Variants in ANO7 observed in about 807,000 individuals in gnomAD.
The protein encoded by ANO7 is anoctamin 7, also known as anoctamin-7.
ANO7 carries 114 observed loss-of-function variants against 115.8 expected under a neutral mutation model. The observed-to-expected ratio is 0.98, with a 90% CI of 0.85 to 1.15. The LOEUF is 1.15. Ranked by LOEUF, ANO7 falls within the 50% of genes most tolerant of loss-of-function variation. The pLI, the probability that ANO7 is intolerant of heterozygous loss-of-function variation, is 0.00. For synonymous variants in ANO7, 550 were observed against 498.2 expected (o/e 1.10, Z -1.38); for missense variants, 1,302 against 1,201.2 (o/e 1.08, Z -1.24).
chr2:241,215,869 C>A (rs761953916), intron 18 of ANO7, among the ~76,000 whole-genome samples: 1 of 152,196 alleles, frequency 6.6e-6, no homozygotes, highest in Non-Finnish European at 1.5e-5. Context: ...GGGTGGACTG[C>A]CCTCCCACAT....
At chr2:241,204,224 G>A (rs2068538141) in intron 9 of ANO7, among the ~76,000 whole-genome samples, 1 of 152,336 alleles carries the variant, frequency 6.6e-6, no homozygotes, top group Non-Finnish European at 1.5e-5. Context: ...GGCTTCTGGG[G>A]GCAAGCAGGG....
chr2:241,217,608 G>T (rs780892382), intron 19 of ANO7, 78 bp from the exon 20 acceptor site: 2 of 1,479,464 alleles, frequency 1.4e-6, no homozygotes, highest in Non-Finnish European at 1.8e-6. Context: ...TGGACTGGCC[G>T]GTCCTCCGCG....
intron 15 of ANO7, 77 bp downstream of exon 15, chr2:241,210,647 C>T (rs1043000186): frequency 1.7e-6 from 2 of 1,149,848 alleles, no homozygotes; most frequent in Admixed American, 1.7e-5. Context: ...GACTTTCTCA[C>T]TCACTGACAC....
At chr2:241,229,549 T>C (rs922964904), downstream of ANO7, 3 of 1,301,682 alleles carry the variant, frequency 2.3e-6, no homozygotes, top group African/African-American at 4.4e-5. Context: ...CAAACCATTG[T>C]GTGGTTGGGT....
chr2:241,235,377 C>T, the ANO7 span: 11 of 1,490,804 alleles, frequency 7.4e-6, 1 homozygote, highest in South Asian at 1.2e-4. Flanking sequence ...AGTCAGTGCC[C>T]AGTCCGAGCA....
chr2:241,201,808 C>T (rs1317862506), intron 7 of ANO7, among the ~76,000 whole-genome samples: 1 of 147,250 alleles, frequency 6.8e-6, no homozygotes, highest in Non-Finnish European at 1.5e-5. Flanking sequence ...CGTGGCTGCC[C>T]AGGTAGGGGG....
chr2:241,229,783 T>TGGG, downstream of ANO7: 6 of 1,524,612 alleles, frequency 3.9e-6, no homozygotes, highest in Middle Eastern at 1.8e-4. Flanking sequence ...CAAGCCCGCC[T>TGGG]GCCCGCCCAC....
At chr2:241,214,750 C>T (rs571038264) in intron 17 of ANO7, 55 bp from the exon 18 acceptor site, 211 of 1,507,678 alleles carry the variant, frequency 1.4e-4, no homozygotes, top group Non-Finnish European at 1.8e-4. Context: ...AGAAGGGATG[C>T]GTGGGTGAGT....
At chr2:241,222,652 A>G (rs957215656) in intron 21 of ANO7, among the ~76,000 whole-genome samples, 7 of 152,130 alleles carry the variant, frequency 4.6e-5, no homozygotes, top group African/African-American at 1.7e-4. Flanking sequence ...GCAACATGTA[A>G]CTTTATATTA....
chr2:241,235,220 A>G, the ANO7 span: 1 of 1,614,196 alleles, frequency 6.2e-7, no homozygotes. Flanking sequence ...CGATGATGTC[A>G]GACTGCAGCT....
At position 241,216,183 on chromosome 2, in the gene ANO7, G is replaced by A. The variant is rs1245372419; in HGVS notation, c.1917G>A (p.Glu639=). ...CAGGGGCTAGCCAGGGGCCCTGGGA[G>A]GACGACTATGAGCTTGTGCCCTGTG... is the stretch of plus-strand genomic sequence containing the variant. The part of the protein sequence containing the change: ...ASAGASQGPW[E]DDYELVPCEG... The change falls in exon 19 of 25, where the codon GAG becomes GAA. Residue 639 remains glutamate (E), a synonymous_variant. Coordinates refer to ENST00000674324, the MANE Select transcript of ANO7 (RefSeq NM_001370694.2). 5 of 1,612,932 alleles carry A rather than the reference G, an allele frequency of 3.1e-6. No individual in the cohort carries two copies. The highest frequency in any genetic ancestry group is 1.3e-5 in the African/African-American group (1 of 74,922).
chr2:241,198,121 C>G (rs1028549544), intron 4 of ANO7, among the ~76,000 whole-genome samples: 2 of 152,180 alleles, frequency 1.3e-5, no homozygotes, highest in Non-Finnish European at 2.9e-5. Context: ...AGTCCTGCGT[C>G]CGACTCCCCT....
chr2:241,196,065 T>A (rs2068320856), intron 4 of ANO7: 1 of 1,420,990 alleles, frequency 7.0e-7, no homozygotes, highest in Non-Finnish European at 9.2e-7. Flanking sequence ...CACACTCAGC[T>A]CTCTCATGGA....
chr2:241,191,058 C>G lies in ANO7; in HGVS notation c.109-136C>G. On this transcript the variant is annotated intron_variant, in intron 2 of 24. Transcript: ENST00000674324. ...CCCTACCCACCCGCCGAACATTCTT[C>G]TGTGGTCCTGAGTGTTCTGGGGCAG... The G allele has an allele frequency of 2.5e-5, 24 of 962,416 alleles. No individual in the cohort carries two copies. In the South Asian group the frequency reaches 3.4e-4, roughly 14 times the overall value. 59.6% of individuals were successfully genotyped at this position (962,416 alleles called of 1,614,324 possible). A position where few individuals can be genotyped will look rare whatever the true frequency, so the allele number is the denominator to read the frequency against.
chr2:241,226,285 C>A (rs1013973060), downstream of ANO7, among the ~76,000 whole-genome samples: 6 of 152,112 alleles, frequency 3.9e-5, no homozygotes, highest in African/African-American at 1.4e-4. Context: ...GAGCTCCATC[C>A]GTGCCGAGCA....
chr2:241,231,854 A>C, the ANO7 span, among the ~76,000 whole-genome samples: 1 of 152,170 alleles, frequency 6.6e-6, no homozygotes, highest in Admixed American at 6.5e-5. Flanking sequence ...ACATGTCCAC[A>C]ACACAAAAAC....
chr2:241,207,586 T>C lies in ANO7; in HGVS notation c.993T>C (p.Cys331=), dbSNP rs1187256937. ...VFSDIPTQEL[C]GSKDSFEMCP... ...CCATGCCTTGCAGGCAGGAACTGTG[T>C]GGCAGCAAGGACAGCTTCGAGATGT... Residue 331 remains cysteine, a synonymous_variant, in exon 11 of 25, where the codon TGT becomes TGC. Transcript: ENST00000674324. The C allele has an allele frequency of 1.2e-6, 2 of 1,613,486 alleles. No homozygotes were observed. The highest frequency in any genetic ancestry group is 3.3e-5 in the Admixed American group (2 of 60,002).
At chr2:241,205,321 T>TAGGAGTGCTCCCAGGCTGACAGGTGGTC (rs1182220170) in intron 10 of ANO7, among the ~76,000 whole-genome samples, 12 of 121,978 alleles carry the variant, frequency 9.8e-5, no homozygotes, top group Non-Finnish European at 2.1e-4. Flanking sequence ...CACCGGTGGA[T>TAGGAGTGCTCCCAGGCTGACAGGTGGTC]AGGAGTGCTC....
Position 241,209,337 on chromosome 2 carries a change from C to T in ANO7, c.1130C>T (p.Ala377Val), listed in dbSNP as rs927123726. The T allele has an allele frequency of 1.1e-5, 17 of 1,575,916 alleles. No individual in the cohort carries two copies. Among genetic ancestry groups the T allele is most frequent in the Non-Finnish European group, 1.5e-5 (17 of 1,161,348 alleles). ...GGTVFFSLFM[A>V]LWAVLLLEYW... The stretch of plus-strand genomic sequence containing the variant: ...ACCGTGTTCTTCAGCTTGTTCATGG[C>T]ACTGTGGGCCGTGCTGCTGCTGGAG... Residue 377 changes from alanine to valine, a missense_variant, in exon 12 of 25, where the codon GCA (alanine) becomes GTA (valine). Ala to Val is a moderately conservative substitution (Grantham distance 64). Coordinates refer to ENST00000674324, the MANE Select transcript of ANO7 (RefSeq NM_001370694.2).
Sources: gnomAD v4.1 joint callset for allele counts (sites outside exome capture counted in the v4.1 genomes callset) on GRCh38, gnomAD v4.1.1 for gene constraint, MANE v1.5 for transcripts, NCBI Gene and HGNC (gene_info 2026-07-23, HGNC 2026-07-21) for gene names.